Variants in DTX4 observed in about 807,000 individuals in gnomAD.
DTX4 encodes the protein deltex E3 ubiquitin ligase 4.
Under a neutral mutation model 57.6 loss-of-function variants are expected in DTX4, and 28 were observed. That is an observed-to-expected ratio of 0.49 (90% CI 0.36 to 0.67). DTX4 has a LOEUF of 0.67. Among genes scored for constraint, DTX4 ranks in the 30% least tolerant of loss-of-function variants. The pLI, the probability that DTX4 is intolerant of heterozygous loss-of-function variation, is 0.00. For missense variants in DTX4, 715 were observed against 836.8 expected (o/e 0.85, Z 1.80); for synonymous variants, 316 against 331.0 (o/e 0.95, Z 0.49).
At chr11:59,193,142 C>T (rs1862620863) in intron 6 of DTX4, among the ~76,000 whole-genome samples, 1 of 151,956 alleles carries the variant, frequency 6.6e-6, no homozygotes, top group Non-Finnish European at 1.5e-5. Flanking sequence ...ACGTCTCTTA[C>T]TGTGGGAAAG....
intron 8 of DTX4, 111 bp from the exon 9 acceptor site, chr11:59,204,565 A>C: frequency 3.1e-6 from 3 of 980,534 alleles, no homozygotes; most frequent in Non-Finnish European, 4.6e-6. Context: ...TGCTTAGGGT[A>C]TCATGATGCA....
At chr11:59,179,455 A>G (rs1862433732) in intron 1 of DTX4, among the ~76,000 whole-genome samples, 1 of 152,172 alleles carries the variant, frequency 6.6e-6, no homozygotes, top group South Asian at 2.1e-4. Context: ...ATGCCTTTTA[A>G]CCAATCAAAT....
Position 59,182,133 on chromosome 11 carries a change from A to C in DTX4, c.606A>C (p.Ala202=), listed in dbSNP as rs767762506. Residue 202 remains alanine, a synonymous_variant, in exon 2 of 9, where the codon GCA becomes GCC. Transcript: ENST00000227451. ...GTGTCTTGGTGATGAGTGTTAAGGC[A>C]GCCGTGGTCAATGGCAGCACTGGGC... ...PQCVLVMSVK[A]AVVNGSTGPL... is the part of the protein sequence containing the mutation. 1 of 1,613,328 alleles carries C rather than the reference A, an allele frequency of 6.2e-7. No individual in the cohort carries two copies. Among genetic ancestry groups the C allele is most frequent in the South Asian group, 1.1e-5 (1 of 91,058 alleles).
chr11:59,178,126 A>G (rs954978473), intron 1 of DTX4, among the ~76,000 whole-genome samples: 1 of 152,182 alleles, frequency 6.6e-6, no homozygotes, highest in African/African-American at 2.4e-5. Context: ...GGGAAGAGCT[A>G]TGGAAAAGAT....
chr11:59,197,738 C>T (rs1163536065), intron 7 of DTX4, among the ~76,000 whole-genome samples: 1 of 152,062 alleles, frequency 6.6e-6, no homozygotes, highest in Non-Finnish European at 1.5e-5. Context: ...GATATGGGGT[C>T]AGGTGAGACT....
At chr11:59,186,202 C>G (rs1310978561) in intron 2 of DTX4, among the ~76,000 whole-genome samples, 20 of 152,280 alleles carry the variant, frequency 1.3e-4, no homozygotes, top group Admixed American at 1.3e-4. Flanking sequence ...TCTTGTGTGT[C>G]CCAGGTCCAC....
chr11:59,204,852 G>A lies in DTX4; in HGVS notation c.1803G>A (p.Leu601=), dbSNP rs746726339. 2.7e-5 allele frequency: 43 copies of A among 1,603,570 alleles called. No homozygotes were observed. The highest frequency in any genetic ancestry group is 3.7e-5 in the Non-Finnish European group (43 of 1,174,874). Residue 601 remains leucine (L), a synonymous_variant, in exon 9 of 9, where the codon CTG becomes CTA. Transcript: ENST00000227451. ...YPDANYLDNV[L]AELAAQGISE... ...ATGCCAATTACCTGGATAATGTGCTGGCTGAACTGGCTGCCCAGGGCATCT... is the reference window on the plus strand; with the variant it reads ...ATGCCAATTACCTGGATAATGTGCTAGCTGAACTGGCTGCCCAGGGCATCT...
chr11:59,173,571 A>G (rs897619175), intron 1 of DTX4, among the ~76,000 whole-genome samples: 28 of 152,116 alleles, frequency 1.8e-4, no homozygotes, highest in African/African-American at 6.8e-4. Flanking sequence ...TCTGCGGAGG[A>G]GGAGGACGCA....
chr11:59,192,033 A>T, intron 5 of DTX4, 65 bp from the exon 6 acceptor site: 2 of 1,567,536 alleles, frequency 1.3e-6, no homozygotes, highest in Non-Finnish European at 1.7e-6. Flanking sequence ...CTCTGAGATC[A>T]TGTGGAAATC....
intron 8 of DTX4, 114 bp downstream of exon 8, chr11:59,199,887 G>A: frequency 1.2e-6 from 1 of 865,674 alleles, no homozygotes; most frequent in South Asian, 1.7e-5. Context: ...AGAGAACTGT[G>A]TCTCTTTTAA....
At position 59,172,286 on chromosome 11, in the gene DTX4, G is replaced by A. The variant is rs948298269; in HGVS notation, c.-310G>A. On this transcript the variant is annotated 5_prime_UTR_variant, in exon 1 of 9. Coordinates refer to ENST00000227451, the MANE Select transcript of DTX4 (RefSeq NM_015177.2). Reference sequence around the variant, plus strand: ...GCCCGCCGAGTGGCTTTTGCAAGGCGGGGGCCTGTTTGCAGAGAGCCGGGC... The same window carrying A: ...GCCCGCCGAGTGGCTTTTGCAAGGCAGGGGCCTGTTTGCAGAGAGCCGGGC... 1.3e-5 allele frequency among the ~76,000 whole-genome samples: 2 copies of A among 151,986 alleles called. No homozygotes were observed. Among genetic ancestry groups the A allele is most frequent in the Admixed American group, 1.3e-4 (2 of 15,272 alleles).
At chr11:59,175,083 A>G (rs796417595) in intron 1 of DTX4, among the ~76,000 whole-genome samples, 20 of 152,268 alleles carry the variant, frequency 1.3e-4, no homozygotes, top group African/African-American at 4.6e-4. Flanking sequence ...TTCTCCACCA[A>G]CACACTCATA....
chr11:59,195,477 C>A lies in DTX4; in HGVS notation c.1536+108C>A, dbSNP rs76348780. On this transcript the variant is annotated intron_variant, in intron 7 of 8. Transcript: ENST00000227451. ...GAAGAGTCTCCTTCCCACACTTTTC[C>A]GCCATCTACCCAGCCTTGCCCGCTG... 3.1e-6 allele frequency: 4 copies of A among 1,296,258 alleles called. No individual in the cohort carries two copies. The African/African-American group carries it at 6.0e-5, about 19-fold the overall frequency. 80.3% of individuals were successfully genotyped at this position (1,296,258 alleles called of 1,614,324 possible). A position where few individuals can be genotyped will look rare whatever the true frequency, so the allele number is the denominator to read the frequency against.
At position 59,192,138 on chromosome 11, in the gene DTX4, G is replaced by T; in HGVS notation, c.1262G>T (p.Gly421Val). 2.5e-6 allele frequency: 4 copies of T among 1,613,844 alleles called. No individual in the cohort carries two copies. Among genetic ancestry groups the T allele is most frequent in the Non-Finnish European group, 3.4e-6 (4 of 1,179,896 alleles). The stretch of plus-strand genomic sequence containing the variant: ...ATGGAACGCCTCACGGCCCCCTCAG[G>T]CTACAAGGGCCCGCAGCCTACGGTA... Reference protein sequence around the residue: ...ICMERLTAPSGYKGPQPTVKP... With the variant: ...ICMERLTAPSVYKGPQPTVKP... Residue 421 changes from glycine (G) to valine (V), a missense_variant, in exon 6 of 9, where the codon GGC becomes GTC. Gly to Val is a moderately radical substitution (Grantham distance 109). Coordinates refer to ENST00000227451, the MANE Select transcript of DTX4 (RefSeq NM_015177.2).
intron 2 of DTX4, among the ~76,000 whole-genome samples, chr11:59,186,049 C>A (rs181367856): frequency 6.6e-6 from 1 of 152,302 alleles, no homozygotes; most frequent in South Asian, 2.1e-4. Flanking sequence ...TTCCATTACA[C>A]GGTTCTGGAT....
At chr11:59,190,818 T>G (rs543378126) in intron 4 of DTX4, among the ~76,000 whole-genome samples, 1 of 152,326 alleles carries the variant, frequency 6.6e-6, no homozygotes, top group African/African-American at 2.4e-5. Context: ...CATTTGATTA[T>G]AAGGAAGAGA....
At position 59,174,669 on chromosome 11, in the gene DTX4, G is replaced by A. The variant is rs80328289; in HGVS notation, c.211+1863G>A. 1.1e-3 allele frequency among the ~76,000 whole-genome samples: 164 copies of A among 152,206 alleles called. 1 individual carries two copies. In the East Asian group the frequency reaches 0.027, roughly 25 times the overall value. ...TAGGATAGGCAAGGTATCTACAAAGGTTCATGACCCTTTCTACAGAAGCGA... is the reference window on the plus strand; with the variant it reads ...TAGGATAGGCAAGGTATCTACAAAGATTCATGACCCTTTCTACAGAAGCGA... On this transcript the variant is annotated intron_variant, in intron 1 of 8. Coordinates refer to ENST00000227451, the MANE Select transcript of DTX4 (RefSeq NM_015177.2).
intron 2 of DTX4, among the ~76,000 whole-genome samples, chr11:59,184,010 C>T (rs1013122221): frequency 2.0e-5 from 3 of 152,224 alleles, no homozygotes; most frequent in African/African-American, 7.2e-5. Flanking sequence ...ATCCACTGTT[C>T]TTTTGGCTAA....
rs902503004 is a variant in DTX4, at chr11:59,197,929, G to C, written c.1537-1755G>C. ...AGAGAGCCCACACTAGGGGATACAG[G>C]TGGTGCATGCTGCCTTGACGGGTAC... On this transcript the variant is annotated intron_variant, in intron 7 of 8. Transcript: ENST00000227451. Among the ~76,000 whole-genome samples the C allele has an allele frequency of 4.6e-5, 7 of 152,316 alleles. No individual in the cohort carries two copies. The Middle Eastern group carries it at 0.01, about 222-fold the overall frequency.
Sources: gnomAD v4.1 joint callset for allele counts (sites outside exome capture counted in the v4.1 genomes callset) on GRCh38, gnomAD v4.1.1 for gene constraint, MANE v1.5 for transcripts, NCBI Gene and HGNC (gene_info 2026-07-23, HGNC 2026-07-21) for gene names.